FBXO10: variants seen among roughly 807,000 people sequenced by gnomAD.
The protein encoded by FBXO10 is F-box protein 10.
A neutral mutation model predicts 80.7 loss-of-function variants in FBXO10; 39 were observed. The ratio of observed to expected loss-of-function variants is 0.48; its 90% confidence interval spans 0.37 to 0.63. FBXO10 has a LOEUF of 0.63. Among genes scored for constraint, FBXO10 ranks in the 30% least tolerant of loss-of-function variants. FBXO10 has a pLI of 0.00. For synonymous variants in FBXO10, 449 were observed against 489.6 expected (o/e 0.92, Z 1.09); for missense variants, 1,025 against 1,269.0 (o/e 0.81, Z 2.92).
intron 5 of FBXO10, among the ~76,000 whole-genome samples, chr9:37,525,499 T>C (rs1821448126): frequency 6.6e-6 from 1 of 152,128 alleles, no homozygotes; most frequent in Non-Finnish European, 1.5e-5. Flanking sequence ...CACAATGATA[T>C]CCAGTTCACT....
At chr9:37,572,309 G>A (rs1206572605) in intron 1 of FBXO10, among the ~76,000 whole-genome samples, 1 of 152,100 alleles carries the variant, frequency 6.6e-6, no homozygotes, top group Non-Finnish European at 1.5e-5. Context: ...TAAACTGTTC[G>A]ACACTATCTA....
chr9:37,560,010 T>G (rs1390292306), intron 1 of FBXO10, among the ~76,000 whole-genome samples: 1 of 152,188 alleles, frequency 6.6e-6, no homozygotes, highest in East Asian at 1.9e-4. Flanking sequence ...TCACTACTCT[T>G]CCCCAGGTGG....
At chr9:37,540,186 T>C (rs1197331500) in intron 2 of FBXO10, among the ~76,000 whole-genome samples, 5 of 151,386 alleles carry the variant, frequency 3.3e-5, no homozygotes, top group African/African-American at 1.2e-4. Flanking sequence ...AAATCATATA[T>C]ATATGATTTT....
intron 2 of FBXO10, among the ~76,000 whole-genome samples, chr9:37,538,445 C>T (rs181790724): frequency 8.0e-4 from 121 of 152,072 alleles, no homozygotes; most frequent in Non-Finnish European, 1.4e-3. Context: ...TGGTGGCTCA[C>T]GCCCGTAGTT....
At chr9:37,516,992 A>G (rs1427160221) in intron 9 of FBXO10, among the ~76,000 whole-genome samples, 1 of 151,878 alleles carries the variant, frequency 6.6e-6, no homozygotes, top group Non-Finnish European at 1.5e-5. Flanking sequence ...AAGGTGGTAT[A>G]TATATACCAC....
chr9:37,570,072 G>T (rs1217223976), intron 1 of FBXO10, among the ~76,000 whole-genome samples: 1 of 152,214 alleles, frequency 6.6e-6, no homozygotes, highest in African/African-American at 2.4e-5. Flanking sequence ...CATTTTGGGA[G>T]GCCAAGGCAG....
At chr9:37,525,044 G>C (rs958985755) in intron 6 of FBXO10, 58 bp downstream of exon 6, 1 of 1,441,982 alleles carries the variant, frequency 6.9e-7, no homozygotes, top group Admixed American at 2.0e-5. Context: ...TGAAGCTGGG[G>C]GGTGACGCCA....
intron 5 of FBXO10, among the ~76,000 whole-genome samples, chr9:37,528,291 G>T (rs997224693): frequency 3.3e-5 from 5 of 152,116 alleles, no homozygotes; most frequent in Non-Finnish European, 7.4e-5. Context: ...CCGCAAGGAC[G>T]TCAAGGGTCA....
intron 1 of FBXO10, among the ~76,000 whole-genome samples, chr9:37,546,051 C>T (rs1015420897): frequency 6.6e-6 from 1 of 151,740 alleles, no homozygotes; most frequent in Admixed American, 6.6e-5. Context: ...GAGGCTGAGG[C>T]AGGAGAATCG....
Position 37,541,204 on chromosome 9 carries a change from A to T in FBXO10, c.565T>A (p.Phe189Ile), listed in dbSNP as rs771028884. The T allele has an allele frequency of 6.2e-7, 1 of 1,606,284 alleles. No homozygotes were observed. The highest frequency in any genetic ancestry group is 1.1e-5 in the South Asian group (1 of 89,160). ...LCNLVFTPAW[F>I]SPIMYKTTSG... ...CCCACCTTATACATGATGGGTGAGA[A>T]CCAGGCTGGCGTGAAGACGAGGTTG... Residue 189 changes from phenylalanine to isoleucine, a missense_variant, in exon 2 of 11, where the codon TTC (phenylalanine) becomes ATC (isoleucine). Phe to Ile is a conservative substitution (Grantham distance 21, BLOSUM62 0). Around this residue, in one of 3 missense-constraint regions of FBXO10, gnomAD observed 450 missense variants for 499.4 expected, o/e 0.90. Transcript: ENST00000432825.
intron 10 of FBXO10, among the ~76,000 whole-genome samples, chr9:37,513,695 T>G (rs901596329): frequency 6.6e-6 from 1 of 152,146 alleles, no homozygotes; most frequent in Non-Finnish European, 1.5e-5. Flanking sequence ...GTTCGAGTGA[T>G]CCTCCTGGCT....
intron 10 of FBXO10, 124 bp downstream of exon 10, chr9:37,515,779 TG>T: frequency 1.0e-6 from 1 of 1,004,682 alleles, no homozygotes. Flanking sequence ...TTTTTCTGAC[TG>T]GAGTCGACAG....
At chr9:37,548,977 T>C (rs1227637700) in intron 1 of FBXO10, among the ~76,000 whole-genome samples, 1 of 152,184 alleles carries the variant, frequency 6.6e-6, no homozygotes, top group Non-Finnish European at 1.5e-5. Context: ...CTCAATCTCC[T>C]GACCTCATGA....
Position 37,512,482 on chromosome 9 carries a change from C to T in FBXO10, c.*65G>A, listed in dbSNP as rs2119037397. ...GGGGGAGGGGCGGAGTCTTTTCAGG[C>T]AGTATTTCCACCTTAGCTCCTCTGA... On this transcript the variant is annotated 3_prime_UTR_variant, in exon 11 of 11. Transcript: ENST00000432825. 6.5e-7 allele frequency: 1 copy of T among 1,542,150 alleles called. No individual in the cohort carries two copies. The highest frequency in any genetic ancestry group is 8.8e-7 in the Non-Finnish European group (1 of 1,136,802).
intron 4 of FBXO10, among the ~76,000 whole-genome samples, chr9:37,529,989 A>G (rs1467631128): frequency 2.0e-5 from 3 of 152,070 alleles, no homozygotes; most frequent in Non-Finnish European, 4.4e-5. Context: ...TTCATTTCTA[A>G]TATCTCTTTG....
In FBXO10 at chr9:37,554,664, G is replaced by A. The variant is rs60225320; in HGVS notation, c.-6-12890C>T. The stretch of plus-strand genomic sequence containing the variant: ...CTACAGATTAGTTTTGTCTGTTCTA[G>A]AATTGCATATAAATGGGATCATGCA... On this transcript the variant is annotated intron_variant, in intron 1 of 10. Transcript: ENST00000432825. Among the ~76,000 whole-genome samples the A allele has an allele frequency of 4.6e-3, 703 of 152,208 alleles. 27 individuals carry two copies. The East Asian group carries it at 0.095, about 20-fold the overall frequency.
At chr9:37,544,866 T>C (rs1382723448) in intron 1 of FBXO10, among the ~76,000 whole-genome samples, 3 of 150,722 alleles carry the variant, frequency 2.0e-5, no homozygotes, top group Admixed American at 1.3e-4. Flanking sequence ...TGGTGGCGGG[T>C]GCCTGTAGTC....
intron 1 of FBXO10, among the ~76,000 whole-genome samples, chr9:37,550,531 A>AG (rs1449356659): frequency 3.4e-5 from 5 of 147,990 alleles, no homozygotes; most frequent in Non-Finnish European, 5.9e-5. Flanking sequence ...CCCAGGCTGG[A>AG]GTGCAGTGGC....
chr9:37,547,745 G>A (rs1822092554), intron 1 of FBXO10, among the ~76,000 whole-genome samples: 1 of 152,188 alleles, frequency 6.6e-6, no homozygotes, highest in Non-Finnish European at 1.5e-5. Flanking sequence ...GACAGCTTGA[G>A]TCCAGTTCGA....
Sources: allele counts gnomAD v4.1 joint callset (sites outside exome capture counted in the v4.1 genomes callset), GRCh38; gene constraint gnomAD v4.1.1; regional missense constraint gnomAD v4.1.1; transcripts MANE v1.5; gene names NCBI Gene and HGNC (gene_info 2026-07-23, HGNC 2026-07-21).